Variants in PTPRR observed in about 807,000 individuals in gnomAD.
PTPRR encodes the protein protein tyrosine phosphatase receptor type R.
Under a neutral mutation model 77.2 loss-of-function variants are expected in PTPRR, and 38 were observed. That is an observed-to-expected ratio of 0.49 (90% CI 0.38 to 0.65). The LOEUF (loss-of-function observed/expected upper bound fraction) is 0.65. PTPRR is among the 30% of genes least tolerant of loss of function. PTPRR has a pLI of 0.00. For missense variants in PTPRR, 744 were observed against 799.2 expected (o/e 0.93, Z 0.83); for synonymous variants, 299 against 283.1 (o/e 1.06, Z -0.57).
At chr12:70,854,429 C>T (rs1415463348) in intron 2 of PTPRR, among the ~76,000 whole-genome samples, 2 of 152,234 alleles carry the variant, frequency 1.3e-5, no homozygotes, top group Admixed American at 1.3e-4. Flanking sequence ...AACTTTGTGA[C>T]TGAAGCAGTA....
At chr12:70,779,690 A>G (rs1488989890) in intron 2 of PTPRR, among the ~76,000 whole-genome samples, 1 of 152,214 alleles carries the variant, frequency 6.6e-6, no homozygotes, top group East Asian at 1.9e-4. Context: ...GGCACATAGT[A>G]GGTATTTAAT....
intron 7 of PTPRR, among the ~76,000 whole-genome samples, chr12:70,700,261 G>A (rs1888371356): frequency 6.6e-6 from 1 of 152,076 alleles, no homozygotes; most frequent in Non-Finnish European, 1.5e-5. Context: ...CAACCAATAC[G>A]GCTTAAGATG....
chr12:70,795,913 A>ATTTTTTTTTTTTTTTTTTTTTT lies in PTPRR; in HGVS notation c.358-31157_358-31136dup, dbSNP rs71437157. Among the ~76,000 whole-genome samples the ATTTTTTTTTTTTTTTTTTTTTT allele has an allele frequency of 1.0e-4, 9 of 88,356 alleles. 4 individuals carry two copies. Among genetic ancestry groups the ATTTTTTTTTTTTTTTTTTTTTT allele is most frequent in the Non-Finnish European group, 4.4e-5 (2 of 45,284 alleles). 58.0% of individuals were successfully genotyped at this position (88,356 alleles called of 152,430 possible). A position where few individuals can be genotyped will look rare whatever the true frequency, so the allele number is the denominator to read the frequency against. ...TATATGTTCAAAATGTATTTAGTAGATTTTTTTTTTTTTTTTTTTTTTTTT... is the reference window on the plus strand; with the variant it reads ...TATATGTTCAAAATGTATTTAGTAGATTTTTTTTTTTTTTTTTTTTTTTTTTTTTTTTTTTTTTTTTTTTTTT... On this transcript the variant is annotated intron_variant, in intron 2 of 13. Coordinates refer to ENST00000283228, the MANE Select transcript of PTPRR (RefSeq NM_002849.4).
At chr12:70,776,979 A>G (rs761866618) in intron 2 of PTPRR, among the ~76,000 whole-genome samples, 1 of 152,196 alleles carries the variant, frequency 6.6e-6, no homozygotes, top group Non-Finnish European at 1.5e-5. Flanking sequence ...ATCCGCAGAA[A>G]TAATCCTGCT....
intron 2 of PTPRR, among the ~76,000 whole-genome samples, chr12:70,786,542 A>G (rs1289082196): frequency 6.6e-6 from 1 of 152,170 alleles, no homozygotes; most frequent in Non-Finnish European, 1.5e-5. Context: ...CTCTTTTGGG[A>G]CTTTCAACTG....
intron 6 of PTPRR, among the ~76,000 whole-genome samples, chr12:70,737,232 A>ATT (rs1371204972): frequency 1.3e-5 from 2 of 152,072 alleles, no homozygotes; most frequent in African/African-American, 4.8e-5. Context: ...ATCCCTGTGC[A>ATT]ATCAGGCTGA....
intron 2 of PTPRR, among the ~76,000 whole-genome samples, chr12:70,863,974 G>C (rs773210451): frequency 1.1e-4 from 17 of 152,276 alleles, no homozygotes; most frequent in Middle Eastern, 6.8e-3. Context: ...CCAGGCAAGT[G>C]TTTTAATTAT....
intron 2 of PTPRR, among the ~76,000 whole-genome samples, chr12:70,874,566 T>C (rs995874893): frequency 3.3e-5 from 5 of 152,174 alleles, no homozygotes; most frequent in African/African-American, 1.2e-4. Context: ...CCAGAAATTA[T>C]TGGTGGAAAT....
intron 10 of PTPRR, among the ~76,000 whole-genome samples, chr12:70,671,398 C>T (rs1325460332): frequency 2.0e-5 from 3 of 151,978 alleles, no homozygotes; most frequent in Non-Finnish European, 4.4e-5. Flanking sequence ...GCAGATTACA[C>T]ATAAAAGACA....
intron 1 of PTPRR, among the ~76,000 whole-genome samples, chr12:70,902,615 T>C (rs1893556380): frequency 6.6e-6 from 1 of 151,866 alleles, no homozygotes; most frequent in Admixed American, 6.6e-5. Context: ...ACGGTTATTC[T>C]AAGTGAAGTA....
intron 4 of PTPRR, among the ~76,000 whole-genome samples, chr12:70,755,981 TA>T (rs1890554298): frequency 6.6e-6 from 1 of 152,140 alleles, no homozygotes. Flanking sequence ...TTGTTTGCTA[TA>T]AAAGCAAACT....
At chr12:70,643,801 G>T (rs1592628084) in intron 13 of PTPRR, among the ~76,000 whole-genome samples, 1 of 151,816 alleles carries the variant, frequency 6.6e-6, no homozygotes, top group Admixed American at 6.6e-5. Flanking sequence ...TTGGGGCAGG[G>T]TCTCACTGTG....
intron 6 of PTPRR, among the ~76,000 whole-genome samples, chr12:70,704,563 T>C (rs1325979176): frequency 6.6e-6 from 1 of 152,154 alleles, no homozygotes; most frequent in Non-Finnish European, 1.5e-5. Flanking sequence ...TAGAAGCCTT[T>C]GACATCCCGT....
rs764243016 is a variant in PTPRR, at chr12:70,761,050, G to A, written c.627+421C>T. Among the ~76,000 whole-genome samples, 33 of 152,220 alleles carry A rather than the reference G, an allele frequency of 2.2e-4. No individual in the cohort carries two copies. The East Asian group carries it at 2.7e-3, about 12-fold the overall frequency. On this transcript the variant is annotated intron_variant, in intron 4 of 13. Coordinates refer to ENST00000283228, the MANE Select transcript of PTPRR (RefSeq NM_002849.4). ...TAATTTCAAAGTTATGGGAAAAGGC[G>A]AATATCTGGTGACCATTTTGACAAT... is the stretch of plus-strand genomic sequence containing the variant.
rs141603253 is a variant in PTPRR at position 70,816,025 on chromosome 12, C to T, written c.358-51247G>A. 3.1e-3 allele frequency among the ~76,000 whole-genome samples: 475 copies of T among 152,234 alleles called. 3 individuals are homozygous for T. The highest frequency in any genetic ancestry group is 8.9e-3 in the African/African-American group (371 of 41,560). Reference sequence around the variant, plus strand: ...GAAACACTCTTTCCTGAGTTATCTACGTCTTCTTAATGTGTGAAATCATCC... The same window carrying T: ...GAAACACTCTTTCCTGAGTTATCTATGTCTTCTTAATGTGTGAAATCATCC... On this transcript the variant is annotated intron_variant, in intron 2 of 13. Coordinates refer to ENST00000283228, the MANE Select transcript of PTPRR (RefSeq NM_002849.4).
Position 70,764,763 on chromosome 12 carries a change from C to T in PTPRR, c.373G>A (p.Val125Ile). 1.2e-6 allele frequency: 2 copies of T among 1,613,436 alleles called. No homozygotes were observed. The highest frequency in any genetic ancestry group is 2.2e-5 in the East Asian group (1 of 44,872). ...AGCAAGGTTATGTTCAGCTTGTTTACATCCATTTGCAGTGTCTAGAAAATA... is the reference window on the plus strand; with the variant it reads ...AGCAAGGTTATGTTCAGCTTGTTTATATCCATTTGCAGTGTCTAGAAAATA... ...NVIVVTLQMD[V>I]NKLNITLLRI... The change falls in exon 3 of 14, where the codon GTA (valine) becomes ATA (isoleucine). Residue 125 changes from valine to isoleucine, a missense_variant. This residue lies in a region of PTPRR where 570 missense variants were observed against 573.2 expected (regional missense o/e 0.99). Transcript: ENST00000283228.
intron 2 of PTPRR, among the ~76,000 whole-genome samples, chr12:70,840,349 T>TTTAA (rs1892376008): frequency 6.6e-6 from 1 of 152,156 alleles, no homozygotes; most frequent in Non-Finnish European, 1.5e-5. Flanking sequence ...TTCTCCCACT[T>TTTAA]TTAAGGTCCC....
chr12:70,783,662 C>T (rs908078901), intron 2 of PTPRR, among the ~76,000 whole-genome samples: 1 of 151,418 alleles, frequency 6.6e-6, no homozygotes, highest in Non-Finnish European at 1.5e-5. Context: ...GCAGGACTGG[C>T]GGCCCCGGAC....
chr12:70,858,115 C>A (rs1892683856), intron 2 of PTPRR, among the ~76,000 whole-genome samples: 1 of 152,112 alleles, frequency 6.6e-6, no homozygotes, highest in Non-Finnish European at 1.5e-5. Context: ...CCGCTTATGG[C>A]CAGTTTTTGC....
Sources: allele counts gnomAD v4.1 joint callset (sites outside exome capture counted in the v4.1 genomes callset), GRCh38; gene constraint gnomAD v4.1.1; regional missense constraint gnomAD v4.1.1; transcripts MANE v1.5; gene names NCBI Gene and HGNC (gene_info 2026-07-23, HGNC 2026-07-21).